Variants in TBX3 observed in about 807,000 individuals in gnomAD.
TBX3 encodes the protein T-box transcription factor TBX3.
TBX3 carries 11 observed loss-of-function variants against 47.8 expected under a neutral mutation model. The observed-to-expected ratio is 0.23, with a 90% CI of 0.14 to 0.38. TBX3 has a LOEUF of 0.38. Ranked by LOEUF, TBX3 falls within the 10% of genes least tolerant of loss-of-function variation. The pLI is 1.00. For synonymous variants in TBX3, 500 were observed against 449.3 expected (o/e 1.11, Z -1.43); for missense variants, 927 against 1,022.8 (o/e 0.91, Z 1.28).
rs768054520 is a variant in TBX3, at chr12:114,681,059, A to G, written c.477T>C (p.Asp159=). 6.2e-7 allele frequency: 1 copy of G among 1,614,152 alleles called. No homozygotes were observed. Among genetic ancestry groups the G allele is most frequent in the Non-Finnish European group, 8.5e-7 (1 of 1,180,038 alleles). ...YILLMDIIAA[D]DCRYKFHNSR... is the part of the protein sequence containing the mutation. ...AATTGTGAAATTTATAACGACAGTC[A>G]TCAGCAGCTATAATGTCCATCAATA... The change falls in exon 2 of 7, where the codon GAT becomes GAC. Residue 159 remains aspartate (D), a synonymous_variant. Transcript: ENST00000349155.
In TBX3 at chr12:114,681,011, C is replaced by G; in HGVS notation, c.525G>C (p.Lys175Asn). The change falls in exon 2 of 7, where the codon AAG becomes AAC. Residue 175 changes from lysine to asparagine, a missense_variant. Coordinates refer to ENST00000349155, the MANE Select transcript of TBX3 (RefSeq NM_005996.4). ...TCCTCTTTGGCATTTCGGGGTCGGC[C>G]TTACCAGCCACCATCCACCGAGAAT... is the stretch of plus-strand genomic sequence containing the variant. Reference protein sequence around the residue: ...FHNSRWMVAGKADPEMPKRMY... With the variant: ...FHNSRWMVAGNADPEMPKRMY... 6.2e-7 allele frequency: 1 copy of G among 1,612,600 alleles called. No homozygotes were observed. Among genetic ancestry groups the G allele is most frequent in the Non-Finnish European group, 8.5e-7 (1 of 1,179,532 alleles).
At chr12:114,676,156 C>G (rs747379472) in intron 5 of TBX3, among the ~76,000 whole-genome samples, 157 bp downstream of exon 5, 2 of 152,152 alleles carry the variant, frequency 1.3e-5, no homozygotes, top group Non-Finnish European at 2.9e-5. Flanking sequence ...GGAGACACAC[C>G]TGATAGCCCT....
chr12:114,674,348 G>C lies in TBX3; in HGVS notation c.1527C>G (p.Gly509=). The C allele has an allele frequency of 6.4e-7, 1 of 1,557,720 alleles. No homozygotes were observed. The highest frequency in any genetic ancestry group is 1.4e-5 in the African/African-American group (1 of 73,542). ...FLHPSQFAMG[G]AFSSMAAAGM... ...CAGCGGCCGCCATGCTGGAGAAGGC[G>C]CCCCCCATGGCAAACTGGCTGGGGT... Residue 509 remains glycine (G), a synonymous_variant, in exon 6 of 7, where the codon GGC becomes GGG. Transcript: ENST00000349155.
rs62640916 is a variant in TBX3, at chr12:114,674,639, C to A, written c.1236G>T (p.Ser412=). ...PRDSGRLDKA[S]PDSRHSPATI... is the part of the protein sequence containing the mutation. ...TGGCGGGGCTATGGCGTGAGTCGGG[C>A]GACGCTTTGTCCAGCCGCCCGCTGT... The change falls in exon 6 of 7, where the codon TCG becomes TCT. Residue 412 remains serine (S), a synonymous_variant. Coordinates refer to ENST00000349155, the MANE Select transcript of TBX3 (RefSeq NM_005996.4). 6,957 of 1,606,458 alleles carry A rather than the reference C, an allele frequency of 4.3e-3. 97 individuals are homozygous for A. The highest frequency in any genetic ancestry group is 0.026 in the South Asian group (2,350 of 90,528).
At chr12:114,677,735 A>G (rs868153604) in intron 3 of TBX3, 79 bp from the exon 4 acceptor site, 1 of 1,359,914 alleles carries the variant, frequency 7.4e-7, no homozygotes, top group South Asian at 1.2e-5. Context: ...TCCCAACTCA[A>G]CAAGTCTAGA....
In TBX3 at chr12:114,674,546, CGCTGT is replaced by C. The variant is rs1565859507; in HGVS notation, c.1324_1328del (p.Thr442AlafsTer228). On this transcript the variant is annotated frameshift_variant, in exon 6 of 7. Coordinates refer to ENST00000349155, the MANE Select transcript of TBX3 (RefSeq NM_005996.4). LOFTEE classifies it high-confidence loss of function. ...CGCGCGCCTCTTCCACCTTGGCCGGCGCTGTGCCCTCGCGAACCGGGCTCCTGCGC... is the reference window on the plus strand; with the variant it reads ...CGCGCGCCTCTTCCACCTTGGCCGGCGCCCTCGCGAACCGGGCTCCTGCGC... The C allele has an allele frequency of 1.9e-6, 3 of 1,548,704 alleles. No individual in the cohort carries two copies. In the Admixed American group the frequency reaches 5.8e-5, roughly 30 times the overall value.
chr12:114,671,722 C>A lies in TBX3; in HGVS notation c.*119G>T. On this transcript the variant is annotated 3_prime_UTR_variant, in exon 7 of 7. Coordinates refer to ENST00000349155, the MANE Select transcript of TBX3 (RefSeq NM_005996.4). ...CTCGAGGGAGTCCGGGGCCCCTTCC[C>A]AGACGCAACTGCAAAAGGAAGGGCT... The A allele has an allele frequency of 7.3e-7, 1 of 1,363,546 alleles. No individual in the cohort carries two copies. Among genetic ancestry groups the A allele is most frequent in the Non-Finnish European group, 1.0e-6 (1 of 982,876 alleles). The allele number at this position is 1,363,546 out of a possible 1,614,324, so 84.5% of individuals were successfully genotyped here.
intron 5 of TBX3, 138 bp from the exon 6 acceptor site, chr12:114,674,973 C>G: frequency 1.7e-6 from 2 of 1,144,080 alleles, no homozygotes; most frequent in South Asian, 2.7e-5. Flanking sequence ...CTTAGCCTCT[C>G]TGCACCTCAG....
intron 4 of TBX3, among the ~76,000 whole-genome samples, chr12:114,677,103 C>T (rs960489835): frequency 6.6e-6 from 1 of 152,132 alleles, no homozygotes; most frequent in Non-Finnish European, 1.5e-5. Flanking sequence ...AGGGGAGACC[C>T]TCTTTCATAT....
In TBX3 at chr12:114,671,990, G is replaced by C; in HGVS notation, c.2023C>G (p.Arg675Gly). 1 of 1,601,086 alleles carries C rather than the reference G, an allele frequency of 6.2e-7. No homozygotes were observed. The highest frequency in any genetic ancestry group is 8.5e-7 in the Non-Finnish European group (1 of 1,174,032). Residue 675 changes from arginine (R) to glycine (G), a missense_variant, in exon 7 of 7, where the codon CGC becomes GGC. Coordinates refer to ENST00000349155, the MANE Select transcript of TBX3 (RefSeq NM_005996.4). ...GAGCTGGAGGAGAGCGTGGAGGAGC[G>C]GCTGTTGAGTTCAGAGCCCGAGTCC... is the stretch of plus-strand genomic sequence containing the variant. Reference protein sequence around the residue: ...AVDSGSELNSRSSTLSSSSMS... With the variant: ...AVDSGSELNSGSSTLSSSSMS...
chr12:114,674,806 C>G lies in TBX3; in HGVS notation c.1069G>C (p.Ala357Pro), dbSNP rs780968472. 7.6e-5 allele frequency: 120 copies of G among 1,578,646 alleles called. No individual in the cohort carries two copies. Among genetic ancestry groups the G allele is most frequent in the Non-Finnish European group, 8.6e-5 (100 of 1,168,278 alleles). ...TGCTCCTCTTTGCTCTCGGCCTCGG[C>G]GTCGCTCTCACCCTCGCTGGGACAT... ...DLCPSEGESD[A>P]EAESKEEHGP... The change falls in exon 6 of 7, where the codon GCC becomes CCC. Residue 357 changes from alanine to proline, a missense_variant. Around this residue, in one of 5 missense-constraint regions of TBX3, gnomAD observed 623 missense variants for 569.0 expected, o/e 1.09. Coordinates refer to ENST00000349155, the MANE Select transcript of TBX3 (RefSeq NM_005996.4).
intron 6 of TBX3, 128 bp downstream of exon 6, chr12:114,674,037 G>T: frequency 8.1e-7 from 1 of 1,229,320 alleles, no homozygotes; most frequent in Non-Finnish European, 1.1e-6. Context: ...CCTTGAACCC[G>T]GTAATGGCTC....
At chr12:114,675,345 G>A (rs1402080866) in intron 5 of TBX3, among the ~76,000 whole-genome samples, 1 of 152,202 alleles carries the variant, frequency 6.6e-6, no homozygotes, top group Non-Finnish European at 1.5e-5. Context: ...CAAGAACCCT[G>A]ACATCTGAAT....
chr12:114,677,086 G>A (rs1302904235), intron 4 of TBX3, among the ~76,000 whole-genome samples: 1 of 151,794 alleles, frequency 6.6e-6, no homozygotes. Flanking sequence ...TTGAAAGGGG[G>A]TGGGGGAGGG....
intron 3 of TBX3, among the ~76,000 whole-genome samples, chr12:114,679,179 G>A (rs1305405389): frequency 1.3e-5 from 2 of 152,042 alleles, no homozygotes; most frequent in Non-Finnish European, 2.9e-5. Context: ...TCTTCCCCAA[G>A]GGGAAGAAGA....
chr12:114,675,003 G>A (rs1328114185), intron 5 of TBX3, among the ~76,000 whole-genome samples, 168 bp from the exon 6 acceptor site: 1 of 152,170 alleles, frequency 6.6e-6, no homozygotes, highest in East Asian at 1.9e-4. Flanking sequence ...CTGCAAAATG[G>A]GGATAATCGT....
intron 2 of TBX3, chr12:114,679,977 A>AT: frequency 6.2e-7 from 1 of 1,614,148 alleles, no homozygotes; most frequent in Non-Finnish European, 8.5e-7. Flanking sequence ...CAAAGTCTTA[A>AT]AAGATAGAGA....
chr12:114,680,790 G>C (rs1193368300), intron 2 of TBX3, 89 bp downstream of exon 2: 1 of 1,574,060 alleles, frequency 6.4e-7, no homozygotes. Flanking sequence ...CAAAGGAGAA[G>C]TCTGGGCTGA....
At position 114,671,009 on chromosome 12, in the gene TBX3, C is replaced by G. The variant is rs1868396550; in HGVS notation, c.*832G>C. 3 of 204,774 alleles carry G rather than the reference C, an allele frequency of 1.5e-5. No individual in the cohort carries two copies. Among genetic ancestry groups the G allele is most frequent in the African/African-American group, 6.9e-5 (3 of 43,786 alleles). 12.7% of individuals were successfully genotyped at this position (204,774 alleles called of 1,614,324 possible). A position where few individuals can be genotyped will look rare whatever the true frequency, so the allele number is the denominator to read the frequency against. On this transcript the variant is annotated 3_prime_UTR_variant, in exon 7 of 7. Transcript: ENST00000349155. ...ATATACAGGAAAGAGAAAGAACTGTCAAAGAACGACATGAATCCTGCTACA... is the reference window on the plus strand; with the variant it reads ...ATATACAGGAAAGAGAAAGAACTGTGAAAGAACGACATGAATCCTGCTACA...
Sources: gnomAD v4.1 joint callset for allele counts (sites outside exome capture counted in the v4.1 genomes callset) on GRCh38, gnomAD v4.1.1 for gene constraint, gnomAD v4.1.1 regional missense constraint, MANE v1.5 for transcripts, NCBI Gene and HGNC (gene_info 2026-07-23, HGNC 2026-07-21) for gene names.